The following RBM19 variants were observed in gnomAD, a reference collection of about 807,000 sequenced individuals.
RBM19 encodes RNA binding motif protein 19, also known as probable RNA-binding protein 19.
Under a neutral mutation model 116.8 loss-of-function variants are expected in RBM19, and 94 were observed. The ratio of observed to expected loss-of-function variants is 0.80; its 90% confidence interval spans 0.68 to 0.95. The LOEUF is 0.95. Among genes scored for constraint, RBM19 ranks in the 40% least tolerant of loss-of-function variants. RBM19 has a pLI of 0.00. For synonymous variants in RBM19, 475 were observed against 494.1 expected (o/e 0.96, Z 0.51); for missense variants, 1,161 against 1,220.7 (o/e 0.95, Z 0.73).
chr12:113,934,864 T>C (rs766169269), intron 16 of RBM19, among the ~76,000 whole-genome samples: 6 of 152,092 alleles, frequency 3.9e-5, no homozygotes, highest in Non-Finnish European at 8.8e-5. Flanking sequence ...AAGACAAATA[T>C]GACCCGGCCT....
chr12:113,939,384 G>C (rs1870344610), intron 15 of RBM19, among the ~76,000 whole-genome samples: 1 of 152,078 alleles, frequency 6.6e-6, no homozygotes. Context: ...AATTAACATG[G>C]GTAAAGAAAG....
chr12:113,945,358 C>T (rs796724284), intron 13 of RBM19, among the ~76,000 whole-genome samples: 17 of 152,274 alleles, frequency 1.1e-4, no homozygotes, highest in Admixed American at 3.3e-4. Context: ...GCCTGGGCTG[C>T]GGAAATCATG....
chr12:113,925,585 C>T (rs1305190020), intron 17 of RBM19, among the ~76,000 whole-genome samples: 1 of 152,224 alleles, frequency 6.6e-6, no homozygotes. Context: ...GCTCTCCACT[C>T]AAGGTGCTGA....
At chr12:113,835,805 GTAGAGACGC>G (rs983480547) in intron 23 of RBM19, among the ~76,000 whole-genome samples, 1 of 152,222 alleles carries the variant, frequency 6.6e-6, no homozygotes, top group African/African-American at 2.4e-5. Flanking sequence ...GAGGTGAAAG[GTAGAGACGC>G]TAACCACAGC....
chr12:113,885,548 A>G (rs1880455304), intron 21 of RBM19, among the ~76,000 whole-genome samples: 1 of 152,220 alleles, frequency 6.6e-6, no homozygotes, highest in South Asian at 2.1e-4. Flanking sequence ...TATAGATAAG[A>G]TAACATTGTC....
chr12:113,821,044 G>A (rs1365710252), downstream of RBM19, among the ~76,000 whole-genome samples: 2 of 152,216 alleles, frequency 1.3e-5, no homozygotes, highest in African/African-American at 4.8e-5. Context: ...TGACGGAGAT[G>A]CTACTTGCAT....
chr12:113,832,674 A>G (rs889694029), intron 23 of RBM19, among the ~76,000 whole-genome samples: 1 of 152,166 alleles, frequency 6.6e-6, no homozygotes, highest in African/African-American at 2.4e-5. Flanking sequence ...TCTTCAGGAG[A>G]AAGCAAGAAG....
intron 6 of RBM19, among the ~76,000 whole-genome samples, chr12:113,956,834 T>TC (rs1871989042): frequency 6.6e-6 from 1 of 152,062 alleles, no homozygotes; most frequent in Non-Finnish European, 1.5e-5. Context: ...TGAGGCACCT[T>TC]CCTTCTCCAG....
intron 21 of RBM19, among the ~76,000 whole-genome samples, chr12:113,899,645 T>C (rs769297496): frequency 2.0e-5 from 3 of 152,216 alleles, no homozygotes; most frequent in Non-Finnish European, 2.9e-5. Context: ...CCCTGCTTCA[T>C]TAGTGATGCT....
chr12:113,922,590 C>A (rs1024415848), intron 18 of RBM19, among the ~76,000 whole-genome samples: 1 of 152,024 alleles, frequency 6.6e-6, no homozygotes, highest in Non-Finnish European at 1.5e-5. Flanking sequence ...TCAATCTGAC[C>A]CCCATCCTGG....
At chr12:113,940,593 C>T (rs1384066602) in intron 14 of RBM19, among the ~76,000 whole-genome samples, 1 of 152,226 alleles carries the variant, frequency 6.6e-6, no homozygotes, top group Middle Eastern at 3.2e-3. Context: ...GGAGTTGCTG[C>T]ACTCCTTGTC....
chr12:113,958,658 T>TGAG (rs751288368), intron 5 of RBM19, among the ~76,000 whole-genome samples: 98 of 152,176 alleles, frequency 6.4e-4, no homozygotes, highest in Non-Finnish European at 1.1e-3. Flanking sequence ...GTACATCTTC[T>TGAG]CACCTTTAGA....
At chr12:113,872,661 C>A (rs1783583368) in intron 21 of RBM19, among the ~76,000 whole-genome samples, 1 of 24,806 alleles carries the variant, frequency 4.0e-5, no homozygotes, top group African/African-American at 1.3e-4. Context: ...AAGTGAGGAG[C>A]CCCTCTGCCC....
At chr12:113,865,885 G>C (rs1030154245) in intron 21 of RBM19, among the ~76,000 whole-genome samples, 1 of 152,090 alleles carries the variant, frequency 6.6e-6, no homozygotes, top group African/African-American at 2.4e-5. Context: ...AATACTGTCT[G>C]GATAATGATG....
chr12:113,966,127 C>G (rs1482343093), intron 1 of RBM19, 65 bp downstream of exon 1: 3 of 1,607,696 alleles, frequency 1.9e-6, no homozygotes, highest in Non-Finnish European at 2.6e-6. Flanking sequence ...CCAGGCATCT[C>G]TTCCCTACCT....
intron 21 of RBM19, among the ~76,000 whole-genome samples, chr12:113,910,694 G>C (rs375536299): frequency 1.3e-5 from 2 of 152,242 alleles, no homozygotes; most frequent in Non-Finnish European, 2.9e-5. Flanking sequence ...TTGGGCTGCT[G>C]TGTGGACGAA....
downstream of RBM19, among the ~76,000 whole-genome samples, chr12:113,819,123 C>A (rs1327937075): frequency 6.6e-6 from 1 of 152,204 alleles, no homozygotes; most frequent in East Asian, 1.9e-4. Flanking sequence ...CCCCTGAGAC[C>A]CACAGCGGGT....
At chr12:113,823,984 G>A (rs1267388068) in intron 23 of RBM19, among the ~76,000 whole-genome samples, 1 of 152,184 alleles carries the variant, frequency 6.6e-6, no homozygotes, top group Non-Finnish European at 1.5e-5. Context: ...ACAATTAGAG[G>A]TGGCTTTGAA....
intron 23 of RBM19, 37 bp from the exon 24 acceptor site, chr12:113,823,358 C>G: frequency 2.5e-6 from 4 of 1,580,542 alleles, no homozygotes; most frequent in Non-Finnish European, 3.5e-6. Context: ...GAGAAAAGAA[C>G]AGCCGAGAGG....
Sources: gnomAD v4.1 joint callset for allele counts (sites outside exome capture counted in the v4.1 genomes callset) on GRCh38, gnomAD v4.1.1 for gene constraint, MANE v1.5 for transcripts, NCBI Gene and HGNC (gene_info 2026-07-23, HGNC 2026-07-21) for gene names.